MPP7: variants seen among roughly 807,000 people sequenced by gnomAD.
The protein encoded by MPP7 is MAGUK p55 subfamily member 7.
A neutral mutation model predicts 76.5 loss-of-function variants in MPP7; 60 were observed. The observed-to-expected ratio is 0.78, with a 90% confidence interval of 0.64 to 0.97. MPP7 has a LOEUF of 0.97. Among genes scored for constraint, MPP7 ranks in the 50% least tolerant of loss-of-function variants. The pLI, the probability that MPP7 is intolerant of heterozygous loss-of-function variation, is 0.00. For synonymous variants in MPP7, 237 were observed against 244.5 expected (o/e 0.97, Z 0.29); for missense variants, 641 against 694.0 (o/e 0.92, Z 0.86).
At chr10:28,114,270 G>A (rs1298666892) in intron 11 of MPP7, among the ~76,000 whole-genome samples, 2 of 152,120 alleles carry the variant, frequency 1.3e-5, no homozygotes, top group South Asian at 4.1e-4. Flanking sequence ...AAATTAGCTG[G>A]GGGTGGTGGC....
At chr10:28,333,544 T>G (rs1834488934) in intron 1 of MPP7, among the ~76,000 whole-genome samples, 1 of 152,228 alleles carries the variant, frequency 6.6e-6, no homozygotes, top group African/African-American at 2.4e-5. Context: ...AGGAAAAGGT[T>G]ACATGTAGGT....
At chr10:28,331,017 C>A (rs1443925989) in intron 1 of MPP7, among the ~76,000 whole-genome samples, 1 of 152,082 alleles carries the variant, frequency 6.6e-6, no homozygotes, top group African/African-American at 2.4e-5. Flanking sequence ...GCACTGAGGA[C>A]AATTTGAAAT....
At chr10:28,145,571 G>A (rs1835676918) in intron 5 of MPP7, among the ~76,000 whole-genome samples, 1 of 152,108 alleles carries the variant, frequency 6.6e-6, no homozygotes, top group African/African-American at 2.4e-5. Context: ...CAAAGCAATG[G>A]TAGATAATAA....
chr10:28,315,440 T>C (rs913507774), intron 2 of MPP7, among the ~76,000 whole-genome samples: 6 of 152,072 alleles, frequency 3.9e-5, no homozygotes, highest in African/African-American at 1.2e-4. Context: ...AGCAGAGCGT[T>C]GTGCCCCCTT....
intron 1 of MPP7, among the ~76,000 whole-genome samples, chr10:28,242,909 A>C (rs1160240986): frequency 6.6e-6 from 1 of 152,164 alleles, no homozygotes; most frequent in African/African-American, 2.4e-5. Flanking sequence ...GAAGCAGTAA[A>C]AATTAATATT....
In MPP7 at chr10:28,240,700, A is replaced by T. The variant is rs144804760; in HGVS notation, c.-131-1965T>A. Among the ~76,000 whole-genome samples the T allele has an allele frequency of 7.4e-3, 1,128 of 152,242 alleles. 16 individuals are homozygous for T. The highest frequency in any genetic ancestry group is 0.026 in the African/African-American group (1,063 of 41,566). On this transcript the variant is annotated intron_variant, in intron 1 of 16. Coordinates refer to ENST00000683449, the MANE Select transcript of MPP7 (RefSeq NM_001318170.2). ...GAAAGCAACTTTGCTTTGCCTTCAT[A>T]AATTATTCTAAAAAATCAGTGTGAT...
chr10:28,293,820 G>C (rs1383509717), intron 1 of MPP7, among the ~76,000 whole-genome samples: 3 of 152,168 alleles, frequency 2.0e-5, no homozygotes, highest in Non-Finnish European at 4.4e-5. Flanking sequence ...CCTAGTGAAG[G>C]AAACAATAAA....
chr10:28,289,014 AC>A (rs1840850358), intron 1 of MPP7, among the ~76,000 whole-genome samples: 1 of 152,048 alleles, frequency 6.6e-6, no homozygotes, highest in Non-Finnish European at 1.5e-5. Flanking sequence ...AAAATAGCTA[AC>A]CAGGCCAGGC....
chr10:28,084,424 T>A (rs895965247), intron 12 of MPP7, among the ~76,000 whole-genome samples: 1 of 152,178 alleles, frequency 6.6e-6, no homozygotes, highest in Non-Finnish European at 1.5e-5. Flanking sequence ...GTACCCTAAT[T>A]AATCAGGCCA....
At chr10:28,256,529 C>G (rs1839792195) in intron 1 of MPP7, among the ~76,000 whole-genome samples, 1 of 151,726 alleles carries the variant, frequency 6.6e-6, no homozygotes, top group South Asian at 2.1e-4. Flanking sequence ...AAGTAATGAC[C>G]TAAAATGTTC....
rs764635678 is a variant in MPP7, at chr10:28,059,734, C to G, written c.1214G>C (p.Arg405Thr). The change falls in exon 14 of 17, where the codon AGA becomes ACA. Residue 405 changes from arginine to threonine, a missense_variant. Coordinates refer to ENST00000683449, the MANE Select transcript of MPP7 (RefSeq NM_001318170.2). ...HYGVTVPHTT[R>T]ARRSQESDGV... The stretch of plus-strand genomic sequence containing the variant: ...ATCACTCTCCTGGCTTCTTCTTGCT[C>G]TGGTGGTATCTATGATTTAATGAAA... 6.2e-7 allele frequency: 1 copy of G among 1,610,646 alleles called. No homozygotes were observed. The highest frequency in any genetic ancestry group is 8.5e-7 in the Non-Finnish European group (1 of 1,177,366).
Position 28,222,509 on chromosome 10 carries a change from A to G in MPP7, c.37+16059T>C, listed in dbSNP as rs868802806. On this transcript the variant is annotated intron_variant, in intron 2 of 16. Coordinates refer to ENST00000683449, the MANE Select transcript of MPP7 (RefSeq NM_001318170.2). ...AAAAAATTAAAAATTAAAAAACAAT[A>G]AAAAAATTTAAAAAGCAAAACTTTT... Among the ~76,000 whole-genome samples the G allele has an allele frequency of 2.6e-5, 4 of 151,450 alleles. No individual in the cohort carries two copies. In the South Asian group the frequency reaches 6.3e-4, roughly 24 times the overall value.
At chr10:28,262,267 ATATATATATATT>A (rs1840011225) in intron 1 of MPP7, among the ~76,000 whole-genome samples, 1 of 53,836 alleles carries the variant, frequency 1.9e-5, no homozygotes, top group African/African-American at 9.2e-5. Flanking sequence ...ATGTATATAT[ATATATATATATT>A]TTTTTTTTTT....
intron 1 of MPP7, among the ~76,000 whole-genome samples, chr10:28,259,705 G>A (rs1001700341): frequency 6.6e-6 from 1 of 152,168 alleles, no homozygotes; most frequent in Non-Finnish European, 1.5e-5. Context: ...ATGGGCAGGT[G>A]CAGTGGCTCA....
At chr10:28,092,251 G>C (rs1462568666) in intron 11 of MPP7, among the ~76,000 whole-genome samples, 1 of 152,154 alleles carries the variant, frequency 6.6e-6, no homozygotes, top group Non-Finnish European at 1.5e-5. Context: ...TATTTGAGTT[G>C]AGAGAAAAGG....
chr10:28,302,837 C>T (rs1841197046), intron 1 of MPP7, among the ~76,000 whole-genome samples, 24 bp downstream of exon 1: 2 of 152,132 alleles, frequency 1.3e-5, no homozygotes, highest in African/African-American at 4.8e-5. Context: ...CTCCGACAGG[C>T]GCTCCCCAGA....
In MPP7 at chr10:28,098,827, A is replaced by C. The variant is rs375346331; in HGVS notation, c.953-8986T>G. On this transcript the variant is annotated intron_variant, in intron 11 of 16. Transcript: ENST00000683449. Reference sequence around the variant, plus strand: ...GCAACAAAAGCAAAAATCATGGAAAAGTATAAAAAATAAGAATATAATATA... The same window carrying C: ...GCAACAAAAGCAAAAATCATGGAAACGTATAAAAAATAAGAATATAATATA... Among the ~76,000 whole-genome samples the C allele has an allele frequency of 1.4e-4, 22 of 152,102 alleles. No homozygotes were observed. In the East Asian group the frequency reaches 3.9e-3, roughly 27 times the overall value.
chr10:28,292,047 T>C (rs978469173), intron 1 of MPP7, among the ~76,000 whole-genome samples: 1 of 152,212 alleles, frequency 6.6e-6, no homozygotes. Context: ...TTAATCTTTT[T>C]TACCATATTT....
chr10:28,062,531 AACACACACACACAC>A (rs56923979), intron 13 of MPP7, among the ~76,000 whole-genome samples: 14,820 of 132,362 alleles, frequency 0.11, 1,291 homozygotes, highest in East Asian at 0.45. Flanking sequence ...CATAATAGTA[AACACACACACACAC>A]ACACACACAC....
Sources: gnomAD v4.1 joint callset for allele counts (sites outside exome capture counted in the v4.1 genomes callset) on GRCh38, gnomAD v4.1.1 for gene constraint, MANE v1.5 for transcripts, NCBI Gene and HGNC (gene_info 2026-07-23, HGNC 2026-07-21) for gene names.